Variants in ATAD2B observed in about 807,000 individuals in gnomAD.
ATAD2B encodes the protein ATPase family AAA domain containing 2B.
Under a neutral mutation model 167.6 loss-of-function variants are expected in ATAD2B, and 40 were observed. The observed-to-expected ratio is 0.24, with a 90% CI of 0.19 to 0.31. The LOEUF (loss-of-function observed/expected upper bound fraction) is 0.31. Ranked by LOEUF, ATAD2B falls within the 10% of genes least tolerant of loss-of-function variation. The pLI is 1.00. For missense variants in ATAD2B, 1,242 were observed against 1,757.2 expected, an observed-to-expected ratio of 0.71 and a Z score of 5.24; for synonymous variants, 579 against 596.5, an observed-to-expected ratio of 0.97 and a Z score of 0.43.
chr2:23,896,590 A>C (rs1700185549), intron 1 of ATAD2B, among the ~76,000 whole-genome samples: 1 of 152,150 alleles, frequency 6.6e-6, no homozygotes, highest in African/African-American at 2.4e-5. Context: ...TAAATACTCC[A>C]GTATGTACCT....
chr2:23,726,045 A>C, the ATAD2B span, among the ~76,000 whole-genome samples: 1 of 152,228 alleles, frequency 6.6e-6, no homozygotes, highest in Admixed American at 6.5e-5. Flanking sequence ...GATCCATAAA[A>C]ATGGAATTCC....
the ATAD2B span, among the ~76,000 whole-genome samples, chr2:23,743,141 CA>C: frequency 0.17 from 21,615 of 126,960 alleles, 1,528 homozygotes; most frequent in Middle Eastern, 0.25. Flanking sequence ...GATGTTCGCC[CA>C]AAAAAAAAAA....
At chr2:23,796,838 A>G (rs193141166) in intron 19 of ATAD2B, among the ~76,000 whole-genome samples, 1 of 152,242 alleles carries the variant, frequency 6.6e-6, no homozygotes, top group Non-Finnish European at 1.5e-5. Flanking sequence ...TATTATCCAC[A>G]TGTTATAGAT....
At chr2:23,860,646 A>G (rs1005445323) in intron 12 of ATAD2B, among the ~76,000 whole-genome samples, 2 of 152,236 alleles carry the variant, frequency 1.3e-5, no homozygotes, top group Admixed American at 6.5e-5. Flanking sequence ...GATATGCACT[A>G]AACTTTAATG....
At chr2:23,895,476 TA>T (rs1700045209) in intron 2 of ATAD2B, among the ~76,000 whole-genome samples, 2 of 152,078 alleles carry the variant, frequency 1.3e-5, no homozygotes, top group African/African-American at 2.4e-5. Flanking sequence ...TCAAGTGAAA[TA>T]ATAATCTTTA....
At chr2:23,737,909 C>T in the ATAD2B span, among the ~76,000 whole-genome samples, 2 of 152,112 alleles carry the variant, frequency 1.3e-5, no homozygotes, top group Non-Finnish European at 2.9e-5. Flanking sequence ...AATGCAGAAG[C>T]CTCAGTAGCC....
rs1233052871 is a variant in ATAD2B at position 23,771,536 on chromosome 2, A to AAC, written c.3134-5909_3134-5908insGT. 2.6e-4 allele frequency among the ~76,000 whole-genome samples: 40 copies of AAC among 152,322 alleles called. 1 individual carries two copies. The South Asian group carries it at 7.7e-3, about 29-fold the overall frequency. Reference sequence around the variant, plus strand: ...ACAAAAACAGGCTGTCAGCTTGATGATAGTCTGCTGACCCCTGGTTTAGAG... The same window carrying AAC: ...ACAAAAACAGGCTGTCAGCTTGATGAACTAGTCTGCTGACCCCTGGTTTAGAG... On this transcript the variant is annotated intron_variant, in intron 22 of 27. Coordinates refer to ENST00000238789, the MANE Select transcript of ATAD2B (RefSeq NM_017552.4).
chr2:23,813,511 G>C (rs534006882), intron 17 of ATAD2B, among the ~76,000 whole-genome samples: 1 of 151,530 alleles, frequency 6.6e-6, no homozygotes, highest in Admixed American at 6.6e-5. Flanking sequence ...GCGGTGGGGG[G>C]ATCATTTGAG....
At chr2:23,922,819 C>A (rs1433335937) in intron 1 of ATAD2B, among the ~76,000 whole-genome samples, 1 of 151,936 alleles carries the variant, frequency 6.6e-6, no homozygotes, top group Non-Finnish European at 1.5e-5. Flanking sequence ...TATCACCTCA[C>A]ACCTGTCAAA....
At chr2:23,828,029 TG>T (rs1426010067) in intron 15 of ATAD2B, among the ~76,000 whole-genome samples, 2 of 152,164 alleles carry the variant, frequency 1.3e-5, no homozygotes, top group East Asian at 3.8e-4. Context: ...TGGACTTATT[TG>T]GGGGATTTCT....
intron 12 of ATAD2B, among the ~76,000 whole-genome samples, chr2:23,861,734 T>C (rs1178701252): frequency 1.3e-5 from 2 of 152,188 alleles, no homozygotes; most frequent in African/African-American, 4.8e-5. Context: ...GCCAAGCCAA[T>C]TCTTCCTTCA....
intron 4 of ATAD2B, 136 bp downstream of exon 4, chr2:23,887,696 A>G: frequency 9.8e-6 from 7 of 712,522 alleles, no homozygotes; most frequent in Non-Finnish European, 1.3e-5. Context: ...GAACTGACCC[A>G]CCACACCCAG....
In ATAD2B at chr2:23,836,094, G is replaced by A. The variant is rs116284394; in HGVS notation, c.1569-2016C>T. Among the ~76,000 whole-genome samples, 1,069 of 152,218 alleles carry A rather than the reference G, an allele frequency of 7.0e-3. 19 individuals carry two copies. The highest frequency in any genetic ancestry group is 0.024 in the African/African-American group (1,011 of 41,554). ...CACCCACTCGACCTGACTGCGCTCG[G>A]CTCACACTACCAGCCTGTATCCCAT... On this transcript the variant is annotated intron_variant, in intron 13 of 27. Coordinates refer to ENST00000238789, the MANE Select transcript of ATAD2B (RefSeq NM_017552.4).
At chr2:23,782,192 T>G (rs1381600449) in intron 22 of ATAD2B, among the ~76,000 whole-genome samples, 2 of 152,230 alleles carry the variant, frequency 1.3e-5, no homozygotes, top group African/African-American at 4.8e-5. Flanking sequence ...TTAAAATTAT[T>G]CCTACTTTCT....
chr2:23,696,059 C>G, the ATAD2B span: 1 of 1,551,796 alleles, frequency 6.4e-7, no homozygotes, highest in Non-Finnish European at 8.7e-7. This position sits in a 1 kb window ranked among gnomAD's most constrained non-coding sequence, Gnocchi z 5.5. Context: ...AAGTGGTACC[C>G]CTTGGCCTCG....
chr2:23,782,140 C>T (rs1259310507), intron 22 of ATAD2B, among the ~76,000 whole-genome samples: 1 of 152,148 alleles, frequency 6.6e-6, no homozygotes, highest in Non-Finnish European at 1.5e-5. Context: ...TTATCAATCA[C>T]AGCTTTATTA....
At chr2:23,926,308 C>T (rs994497243) in intron 1 of ATAD2B, among the ~76,000 whole-genome samples, 3 of 152,212 alleles carry the variant, frequency 2.0e-5, no homozygotes, top group Non-Finnish European at 2.9e-5. Flanking sequence ...GAAAGGGACC[C>T]CCAAAGCCCT....
At chr2:23,725,626 G>C in the ATAD2B span, among the ~76,000 whole-genome samples, 2 of 151,982 alleles carry the variant, frequency 1.3e-5, no homozygotes, top group Non-Finnish European at 2.9e-5. Flanking sequence ...ATCCCTAAAA[G>C]CTATATGAAG....
intron 1 of ATAD2B, among the ~76,000 whole-genome samples, chr2:23,906,165 T>C (rs1272610779): frequency 1.3e-5 from 2 of 151,884 alleles, no homozygotes; most frequent in Admixed American, 6.6e-5. Context: ...GGTGAAACCC[T>C]GTCTCTACTA....
Sources: gnomAD v4.1 joint callset for allele counts (sites outside exome capture counted in the v4.1 genomes callset) on GRCh38, gnomAD v4.1.1 for gene constraint, Gnocchi (gnomAD v3.1) non-coding constraint, MANE v1.5 for transcripts, NCBI Gene and HGNC (gene_info 2026-07-23, HGNC 2026-07-21) for gene names.